The following EP300 variants were observed in gnomAD, a reference collection of about 807,000 sequenced individuals.
EP300 encodes histone acetyltransferase p300.
EP300 carries 31 observed loss-of-function variants against 264.0 expected under a neutral mutation model. The observed-to-expected ratio is 0.12, with a 90% confidence interval of 0.09 to 0.16. EP300 has a LOEUF of 0.16. Among genes scored for constraint, EP300 ranks in the 10% least tolerant of loss-of-function variants. The pLI is 1.00. For synonymous variants in EP300, 1,340 were observed against 1,045.4 expected, an observed-to-expected ratio of 1.28 and a Z score of -5.44; for missense variants, 2,766 against 3,052.9, an observed-to-expected ratio of 0.91 and a Z score of 2.21.
chr22:41,113,580 T>C (rs1385020574), intron 1 of EP300, among the ~76,000 whole-genome samples: 1 of 152,256 alleles, frequency 6.6e-6, no homozygotes, highest in Non-Finnish European at 1.5e-5. Flanking sequence ...GGAGTCTCGC[T>C]CTGTCGCCCA....
intron 1 of EP300, among the ~76,000 whole-genome samples, chr22:41,107,141 C>T (rs1266209031): frequency 2.6e-5 from 4 of 151,806 alleles, no homozygotes; most frequent in Admixed American, 6.6e-5. Context: ...TCCTGATCTC[C>T]GCCAGCCTCG....
intron 30 of EP300, 42 bp downstream of exon 30, chr22:41,176,570 GGTT>G: frequency 1.2e-6 from 2 of 1,612,516 alleles, no homozygotes; most frequent in South Asian, 1.1e-5. Context: ...AGCTCCGCAG[GGTT>G]GTTCTGAGGG....
At chr22:41,111,195 T>TA (rs1186018847) in intron 1 of EP300, among the ~76,000 whole-genome samples, 1 of 151,792 alleles carries the variant, frequency 6.6e-6, no homozygotes, top group African/African-American at 2.4e-5. Flanking sequence ...TGGCTGGTCT[T>TA]AAACTCCTGA....
chr22:41,176,861 A>G lies in EP300; in HGVS notation c.5150A>G (p.Asn1717Ser), dbSNP rs779154669. ...KLGLGLDDES[N>S]NQQAAATQSP... is the part of the protein sequence containing the mutation. ...GGCCTTGGCTTAGATGATGAGAGCA[A>G]CAACCAGCAGGCTGCAGCCACCCAG... Residue 1717 changes from asparagine (N) to serine (S), a missense_variant, in exon 31 of 31, where the codon AAC becomes AGC. By Grantham distance (46) the Asn-to-Ser change is conservative (BLOSUM62 1). Coordinates refer to ENST00000263253, the MANE Select transcript of EP300 (RefSeq NM_001429.4). 8.1e-6 allele frequency: 13 copies of G among 1,614,008 alleles called. No individual in the cohort carries two copies. The East Asian group carries it at 1.6e-4, about 19-fold the overall frequency.
At chr22:41,101,846 TTC>T (rs2058733593) in intron 1 of EP300, among the ~76,000 whole-genome samples, 1 of 152,016 alleles carries the variant, frequency 6.6e-6, no homozygotes. Flanking sequence ...CTAAGAAACT[TTC>T]TTATAAAGGA....
rs1310111885 is a variant in EP300, at chr22:41,178,442, A to G, written c.6731A>G (p.Gln2244Arg). The change falls in exon 31 of 31, where the codon CAG (glutamine) becomes CGG (arginine). Residue 2244 changes from glutamine (Q) to arginine (R), a missense_variant. Coordinates refer to ENST00000263253, the MANE Select transcript of EP300 (RefSeq NM_001429.4). ...CAAGGAAATATGGGACAGATAGGCC[A>G]GCTTCCCCAGGCCTTGGGAGCAGAG... ...MQQGNMGQIG[Q>R]LPQALGAEAG... 1.2e-6 allele frequency: 2 copies of G among 1,614,022 alleles called. No individual in the cohort carries two copies. Among genetic ancestry groups the G allele is most frequent in the Non-Finnish European group, 1.7e-6 (2 of 1,180,022 alleles).
At chr22:41,128,132 C>T (rs1489341337) in intron 4 of EP300, among the ~76,000 whole-genome samples, 2 of 152,142 alleles carry the variant, frequency 1.3e-5, no homozygotes, top group African/African-American at 4.8e-5. Context: ...CGCCACTGTA[C>T]TCCAGCCTGG....
rs2145697482 is a variant in EP300 at position 41,117,683 on chromosome 22, A to G, written c.591A>G (p.Gly197=). 6.2e-7 allele frequency: 1 copy of G among 1,614,198 alleles called. No homozygotes were observed. The highest frequency in any genetic ancestry group is 8.5e-7 in the Non-Finnish European group (1 of 1,180,026). The change falls in exon 2 of 31, where the codon GGA becomes GGG. Residue 197 remains glycine (G), a synonymous_variant. Transcript: ENST00000263253. ...MPNQVMNGSI[G]AGRGRQNMQY... The stretch of plus-strand genomic sequence containing the variant: ...ATCAAGTCATGAACGGTTCAATTGG[A>G]GCAGGCCGAGGGCGACAGAATATGC...
At chr22:41,164,423 T>C (rs2145756801) in intron 22 of EP300, among the ~76,000 whole-genome samples, 1 of 152,186 alleles carries the variant, frequency 6.6e-6, no homozygotes, top group South Asian at 2.1e-4. Flanking sequence ...CAAAAGTAAA[T>C]ATTTATGGCC....
intron 1 of EP300, among the ~76,000 whole-genome samples, chr22:41,106,710 G>A (rs2058759854): frequency 6.6e-6 from 1 of 152,070 alleles, no homozygotes; most frequent in Non-Finnish European, 1.5e-5. Context: ...CGACCTCCTG[G>A]GCTAAATGAT....
chr22:41,109,052 C>T (rs917873991), intron 1 of EP300, among the ~76,000 whole-genome samples: 18 of 152,016 alleles, frequency 1.2e-4, no homozygotes, highest in African/African-American at 4.1e-4. Context: ...AGGTGGGAGG[C>T]TTGCCTGAGC....
chr22:41,128,158 C>G (rs1002113093), intron 4 of EP300, among the ~76,000 whole-genome samples: 1 of 151,912 alleles, frequency 6.6e-6, no homozygotes, highest in African/African-American at 2.4e-5. Context: ...AATGTGAGAC[C>G]ATGTCTTTAA....
chr22:41,157,032 C>G, intron 17 of EP300, 137 bp from the exon 18 acceptor site: 1 of 979,266 alleles, frequency 1.0e-6, no homozygotes, highest in Non-Finnish European at 1.5e-6. Context: ...TGATGGACAT[C>G]AGTCACCTCT....
intron 2 of EP300, among the ~76,000 whole-genome samples, chr22:41,118,737 C>T (rs9611499): frequency 2.6e-5 from 4 of 151,904 alleles, no homozygotes; most frequent in African/African-American, 9.7e-5. Context: ...TAGAGGATCG[C>T]TTGAGCCCAG....
chr22:41,135,791 C>A lies in EP300; in HGVS notation c.1529-22C>A, dbSNP rs760357608. ...TGGCTGTTGTATTTATTTCTGTCTC[C>A]TGTTATTTCATTTTGACTTAGGTGC... On this transcript the variant is annotated intron_variant, in intron 6 of 30. Transcript: ENST00000263253. The A allele has an allele frequency of 1.4e-5, 22 of 1,535,400 alleles. 1 individual carries two copies. In the South Asian group the frequency reaches 2.2e-4, roughly 16 times the overall value.
At chr22:41,152,423 C>A (rs2059051958) in intron 16 of EP300, 73 bp downstream of exon 16, 1 of 1,533,142 alleles carries the variant, frequency 6.5e-7, no homozygotes, top group Non-Finnish European at 8.9e-7. Context: ...TGCGGTCATG[C>A]CTCTTGGGCC....
Position 41,179,879 on chromosome 22 carries a change from CTCACACACACACA to C in EP300, c.*924_*936del, listed in dbSNP as rs1569124056. ...TTCTTCCTCCTTACCCTACCCCCCA[CTCACACACACACA>C]CACACACACACACACACACACACAC... On this transcript the variant is annotated 3_prime_UTR_variant, in exon 31 of 31. Coordinates refer to ENST00000263253, the MANE Select transcript of EP300 (RefSeq NM_001429.4). 3.2e-3 allele frequency: 448 copies of C among 140,368 alleles called. 37 individuals are homozygous for C. Among genetic ancestry groups the C allele is most frequent in the Admixed American group, 0.014 (124 of 8,896 alleles). The allele number at this position is 140,368 out of a possible 1,614,324, so 8.7% of individuals were successfully genotyped here. A position where few individuals can be genotyped will look rare whatever the true frequency, so the allele number is the denominator to read the frequency against.
chr22:41,117,322 A>G lies in EP300; in HGVS notation c.230A>G (p.Lys77Arg). The change falls in exon 2 of 31, where the codon AAA (lysine) becomes AGA (arginine). Residue 77 changes from lysine to arginine, a missense_variant. Transcript: ENST00000263253. ...GGCATGGTACAAGATGCAGCTTCTA[A>G]ACATAAACAGCTGTCAGAATTGCTG... ...SLGMVQDAAS[K>R]HKQLSELLRS... The G allele has an allele frequency of 6.2e-7, 1 of 1,614,194 alleles. No homozygotes were observed. The highest frequency in any genetic ancestry group is 8.5e-7 in the Non-Finnish European group (1 of 1,180,032).
chr22:41,167,584 G>GTGTGTGTATATA (rs869093144), intron 23 of EP300, among the ~76,000 whole-genome samples: 4 of 34,492 alleles, frequency 1.2e-4, no homozygotes, highest in African/African-American at 1.6e-4. Flanking sequence ...GTGTGTGTGT[G>GTGTGTGTATATA]TATATATATA....
Sources: allele counts gnomAD v4.1 joint callset (sites outside exome capture counted in the v4.1 genomes callset), GRCh38; gene constraint gnomAD v4.1.1; transcripts MANE v1.5; gene names NCBI Gene and HGNC (gene_info 2026-07-23, HGNC 2026-07-21).